The following HYDIN variants were observed in gnomAD, a reference collection of about 807,000 sequenced individuals.
HYDIN encodes axonemal central pair apparatus protein HYDIN.
Under a neutral mutation model 403.9 loss-of-function variants are expected in HYDIN, and 132 were observed. The ratio of observed to expected loss-of-function variants is 0.33; its 90% CI spans 0.28 to 0.38. HYDIN has a LOEUF of 0.38. HYDIN is among the 10% of genes least tolerant of loss of function. The pLI, the probability that HYDIN is intolerant of heterozygous loss-of-function variation, is 1.00. For synonymous variants in HYDIN, 1,202 were observed against 1,891.7 expected (o/e 0.64, Z 9.46); for missense variants, 2,827 against 5,009.5 (o/e 0.56, Z 13.15).
intron 13 of HYDIN, among the ~76,000 whole-genome samples, chr16:71,071,161 T>C (rs1006727787): frequency 7.0e-5 from 10 of 142,862 alleles, no homozygotes; most frequent in Non-Finnish European, 1.4e-4. Flanking sequence ...TTATGGAAAG[T>C]GGGTATTATA....
At chr16:70,894,342 G>T (rs1489939461) in intron 55 of HYDIN, 107 bp downstream of exon 55, 12 of 1,515,326 alleles carry the variant, frequency 7.9e-6, no homozygotes, top group Middle Eastern at 1.7e-4. Flanking sequence ...GGACTTGACG[G>T]CCGCAAACCC....
At chr16:70,842,729 T>C (rs1021111893) in intron 75 of HYDIN, among the ~76,000 whole-genome samples, 36 of 152,220 alleles carry the variant, frequency 2.4e-4, no homozygotes, top group African/African-American at 8.2e-4. Context: ...TTAATGTAAT[T>C]ACTGATAAGG....
intron 15 of HYDIN, among the ~76,000 whole-genome samples, chr16:71,065,072 GT>G: frequency 6.6e-6 from 1 of 152,354 alleles, no homozygotes; most frequent in South Asian, 2.1e-4. Flanking sequence ...GAGCTGTCTG[GT>G]GGGTAATGAC....
At chr16:71,050,733 T>C (rs2035696179) in intron 18 of HYDIN, among the ~76,000 whole-genome samples, 2 of 152,124 alleles carry the variant, frequency 1.3e-5, no homozygotes, top group African/African-American at 4.8e-5. Flanking sequence ...CATAAGACAA[T>C]ATTTGGAATA....
intron 25 of HYDIN, among the ~76,000 whole-genome samples, chr16:70,989,883 A>T (rs2144039790): frequency 6.6e-6 from 1 of 152,312 alleles, no homozygotes; most frequent in Non-Finnish European, 1.5e-5. Flanking sequence ...ACAGAAAAAA[A>T]ATTCCTGCCC....
chr16:71,102,181 T>C (rs913775926), intron 10 of HYDIN, among the ~76,000 whole-genome samples: 3 of 151,880 alleles, frequency 2.0e-5, no homozygotes, highest in Admixed American at 6.6e-5. Flanking sequence ...CTACACAAAA[T>C]TTTAAATGGA....
chr16:71,069,167 C>A, intron 14 of HYDIN, 100 bp downstream of exon 14: 1 of 1,326,098 alleles, frequency 7.5e-7, no homozygotes, highest in South Asian at 1.4e-5. Context: ...CCCCCTCCTG[C>A]TGACACTGGA....
At chr16:71,062,065 A>T (rs1368764426) in intron 17 of HYDIN, 104 bp downstream of exon 17, 1 of 953,838 alleles carries the variant, frequency 1.0e-6, no homozygotes, top group Non-Finnish European at 1.6e-6. Flanking sequence ...ACTCCAAGCA[A>T]CTGGGGTGTA....
chr16:70,859,351 T>A (rs1409876785), intron 71 of HYDIN, among the ~76,000 whole-genome samples: 1 of 152,148 alleles, frequency 6.6e-6, no homozygotes, highest in Non-Finnish European at 1.5e-5. Context: ...TTCCACAGTT[T>A]GGGTGAGTTG....
intron 79 of HYDIN, 79 bp downstream of exon 79, chr16:70,833,808 C>T: frequency 2.1e-6 from 2 of 975,516 alleles, no homozygotes; most frequent in Admixed American, 2.1e-5. Flanking sequence ...AGTGATTGCA[C>T]TTGCAGAACA....
intron 22 of HYDIN, among the ~76,000 whole-genome samples, chr16:71,019,445 C>A (rs1224445922): frequency 3.3e-5 from 5 of 152,306 alleles, no homozygotes; most frequent in Non-Finnish European, 7.3e-5. Context: ...AGTAATGACT[C>A]TTCAGCATTG....
chr16:70,959,128 TA>T, intron 39 of HYDIN, among the ~76,000 whole-genome samples: 1 of 151,236 alleles, frequency 6.6e-6, no homozygotes, highest in Non-Finnish European at 1.5e-5. Flanking sequence ...TTGGAGGTAA[TA>T]AAGGATTCTC....
chr16:70,947,790 C>T (rs2077923107), intron 41 of HYDIN, among the ~76,000 whole-genome samples: 1 of 152,072 alleles, frequency 6.6e-6, no homozygotes, highest in South Asian at 2.1e-4. Context: ...CAAATCACTG[C>T]TCAAGGAAAT....
Position 71,002,679 on chromosome 16 carries a change from A to ATT in HYDIN, c.3645-10471_3645-10470dup, listed in dbSNP as rs11427002. Among the ~76,000 whole-genome samples, 268 of 130,704 alleles carry ATT rather than the reference A, an allele frequency of 2.1e-3. 7 individuals carry two copies. Among genetic ancestry groups the ATT allele is most frequent in the African/African-American group, 6.9e-3 (219 of 31,528 alleles). The allele number at this position is 130,704 out of a possible 152,430, so 85.7% of individuals were successfully genotyped here. A position where few individuals can be genotyped will look rare whatever the true frequency, so the allele number is the denominator to read the frequency against. The stretch of plus-strand genomic sequence containing the variant: ...TGTATCTTTAACCCATTTGGAATTA[A>ATT]TTTTTTTTTTTTTTTTGAGATAGAG... On this transcript the variant is annotated intron_variant, in intron 23 of 85. Coordinates refer to ENST00000393567, the MANE Select transcript of HYDIN (RefSeq NM_001270974.2).
chr16:71,197,120 G>T (rs2087734006), intron 1 of HYDIN, among the ~76,000 whole-genome samples: 1 of 152,020 alleles, frequency 6.6e-6, no homozygotes, highest in Admixed American at 6.6e-5. Flanking sequence ...AACATATTGT[G>T]GGACTTCTCA....
intron 1 of HYDIN, among the ~76,000 whole-genome samples, chr16:71,203,521 A>G (rs1174790958): frequency 1.3e-5 from 2 of 152,214 alleles, no homozygotes; most frequent in Non-Finnish European, 2.9e-5. Context: ...AGGAGAGAAT[A>G]AGCTTATACT....
At chr16:70,950,809 T>G (rs2078042857) in intron 41 of HYDIN, among the ~76,000 whole-genome samples, 1 of 152,200 alleles carries the variant, frequency 6.6e-6, no homozygotes, top group Admixed American at 6.5e-5. Context: ...CCTTCTCTAC[T>G]GAGGCTGGGC....
intron 43 of HYDIN, chr16:70,941,315 C>T (rs1260310432): frequency 5.2e-5 from 10 of 194,118 alleles, no homozygotes; most frequent in South Asian, 3.8e-4. Flanking sequence ...GTATTAGCAC[C>T]GTGAGTTTTA....
At chr16:71,103,819 T>C (rs898416726) in intron 10 of HYDIN, among the ~76,000 whole-genome samples, 2 of 152,166 alleles carry the variant, frequency 1.3e-5, no homozygotes, top group Non-Finnish European at 2.9e-5. Flanking sequence ...TTCAATTAAA[T>C]CTATAGATGA....
Sources: gnomAD v4.1 joint callset for allele counts (sites outside exome capture counted in the v4.1 genomes callset) on GRCh38, gnomAD v4.1.1 for gene constraint, MANE v1.5 for transcripts, NCBI Gene and HGNC (gene_info 2026-07-23, HGNC 2026-07-21) for gene names.